DLG2: variants seen among roughly 807,000 people sequenced by gnomAD.
DLG2 encodes disks large homolog 2.
In DLG2, 45 loss-of-function variants were observed where a neutral mutation model predicts 132.5. The ratio of observed to expected loss-of-function variants is 0.34; its 90% CI spans 0.27 to 0.44. The LOEUF is 0.44. Among genes scored for constraint, DLG2 ranks in the 20% least tolerant of loss-of-function variants. The pLI, the probability that DLG2 is intolerant of heterozygous loss-of-function variation, is 1.00. For missense variants in DLG2, 1,045 were observed against 1,196.9 expected (o/e 0.87, Z 1.87); for synonymous variants, 424 against 419.6 (o/e 1.01, Z -0.13).
chr11:84,787,004 A>G (rs1277699942), intron 6 of DLG2, among the ~76,000 whole-genome samples: 1 of 152,130 alleles, frequency 6.6e-6, no homozygotes, highest in Non-Finnish European at 1.5e-5. Context: ...CTAGGAACCC[A>G]AACCAATCTA....
intron 7 of DLG2, among the ~76,000 whole-genome samples, chr11:84,481,609 T>C (rs2099137920): frequency 6.6e-6 from 1 of 152,206 alleles, no homozygotes; most frequent in South Asian, 2.1e-4. Flanking sequence ...AAGTGGCTTC[T>C]ACTAAAAAGC....
chr11:84,893,520 C>A (rs942286424), intron 6 of DLG2, among the ~76,000 whole-genome samples: 1 of 152,258 alleles, frequency 6.6e-6, no homozygotes, highest in Admixed American at 6.5e-5. Context: ...GCTCAGGTCC[C>A]TTCTTCCTAT....
At chr11:84,953,893 C>T (rs1056318095) in intron 6 of DLG2, among the ~76,000 whole-genome samples, 1 of 152,084 alleles carries the variant, frequency 6.6e-6, no homozygotes, top group Non-Finnish European at 1.5e-5. Flanking sequence ...GCTTCAAGTT[C>T]CTCAACTGTA....
At chr11:83,800,936 T>G (rs564798196) in intron 17 of DLG2, among the ~76,000 whole-genome samples, 77 of 152,314 alleles carry the variant, frequency 5.1e-4, no homozygotes, top group African/African-American at 1.8e-3. Flanking sequence ...AAGCTCTGAT[T>G]TTTACATTAA....
intron 3 of DLG2, among the ~76,000 whole-genome samples, chr11:85,412,163 C>G (rs2089369829): frequency 6.6e-6 from 1 of 151,834 alleles, no homozygotes; most frequent in South Asian, 2.1e-4. Flanking sequence ...AGCATATGGC[C>G]TAAGTCGGCT....
At chr11:83,519,563 T>G (rs2095410559) in intron 21 of DLG2, among the ~76,000 whole-genome samples, 1 of 152,224 alleles carries the variant, frequency 6.6e-6, no homozygotes, top group African/African-American at 2.4e-5. Context: ...GGACCCTATA[T>G]TCTTCACCTC....
chr11:84,696,320 T>C (rs900936656), intron 6 of DLG2, among the ~76,000 whole-genome samples: 1 of 151,534 alleles, frequency 6.6e-6, no homozygotes, highest in African/African-American at 2.4e-5. Flanking sequence ...ATACAACTCA[T>C]TAAATATGCC....
At position 84,204,827 on chromosome 11, in the gene DLG2, A is replaced by T. The variant is rs12294295; in HGVS notation, c.574-41316T>A. On this transcript the variant is annotated intron_variant, in intron 8 of 27. Transcript: ENST00000376104. Reference sequence around the variant, plus strand: ...AGCCATTCTCCTGCCTCAGCCTCCTAAGTAGCTGGGATTATAGGCTCCCGC... The same window carrying T: ...AGCCATTCTCCTGCCTCAGCCTCCTTAGTAGCTGGGATTATAGGCTCCCGC... Among the ~76,000 whole-genome samples, 224 of 152,026 alleles carry T rather than the reference A, an allele frequency of 1.5e-3. 1 individual carries two copies. Among genetic ancestry groups the T allele is most frequent in the African/African-American group, 5.3e-3 (218 of 41,446 alleles).
chr11:85,606,388 G>C (rs998287000), intron 2 of DLG2, among the ~76,000 whole-genome samples: 6 of 152,076 alleles, frequency 3.9e-5, no homozygotes, highest in Admixed American at 2.6e-4. Flanking sequence ...TCTGTGTCTA[G>C]CTAAAGGATT....
At chr11:85,481,893 C>T (rs187177144) in intron 3 of DLG2, among the ~76,000 whole-genome samples, 18 of 152,064 alleles carry the variant, frequency 1.2e-4, no homozygotes, top group South Asian at 2.1e-4. Context: ...GGCTGCTACC[C>T]GCAGACTGAG....
In DLG2 at chr11:85,049,898, G is replaced by A. The variant is rs141525050; in HGVS notation, c.357+61763C>T. On this transcript the variant is annotated intron_variant, in intron 6 of 27. Transcript: ENST00000376104. The stretch of plus-strand genomic sequence containing the variant: ...CATCAAAACAAAAAGTCATTAATTC[G>A]CTAATATCTAATATATTGCCAGATT... Among the ~76,000 whole-genome samples, 317 of 152,004 alleles carry A rather than the reference G, an allele frequency of 2.1e-3. 3 individuals carry two copies. The highest frequency in any genetic ancestry group is 0.01 in the Middle Eastern group (3 of 294).
chr11:84,794,378 A>C (rs2074272160), intron 6 of DLG2, among the ~76,000 whole-genome samples: 1 of 152,228 alleles, frequency 6.6e-6, no homozygotes, highest in Non-Finnish European at 1.5e-5. Context: ...GGGGAGGTAC[A>C]GCTGGGGCTG....
intron 3 of DLG2, among the ~76,000 whole-genome samples, chr11:85,385,226 C>T (rs926255776): frequency 1.3e-5 from 2 of 152,104 alleles, no homozygotes; most frequent in Non-Finnish European, 2.9e-5. Flanking sequence ...AATATTTTAG[C>T]AGCAGAGCCT....
intron 3 of DLG2, among the ~76,000 whole-genome samples, chr11:85,496,929 G>C (rs151030494): frequency 1.5e-4 from 23 of 152,140 alleles, no homozygotes; most frequent in South Asian, 6.2e-4. Context: ...AAAAGTCATT[G>C]ACTTTAAAGA....
At chr11:83,580,810 C>T (rs1273777359) in intron 19 of DLG2, among the ~76,000 whole-genome samples, 1 of 137,930 alleles carries the variant, frequency 7.3e-6, no homozygotes, top group East Asian at 2.2e-4. Flanking sequence ...CCTCCCCTGC[C>T]CCGCCAGGCT....
intron 20 of DLG2, among the ~76,000 whole-genome samples, chr11:83,538,530 T>C (rs902130163): frequency 7.2e-5 from 11 of 152,208 alleles, no homozygotes; most frequent in African/African-American, 2.4e-4. Flanking sequence ...CCTGGTGTAG[T>C]GTAAAGCCAC....
chr11:84,513,003 G>C (rs1005315421), intron 7 of DLG2, among the ~76,000 whole-genome samples: 1 of 152,006 alleles, frequency 6.6e-6, no homozygotes, highest in Non-Finnish European at 1.5e-5. Flanking sequence ...GGGGACTAGG[G>C]GAGGGAGAGG....
At chr11:83,483,227 T>C in intron 22 of DLG2, 1 of 1,604,202 alleles carries the variant, frequency 6.2e-7, no homozygotes, top group Non-Finnish European at 8.5e-7. Flanking sequence ...AAAGAAAAGT[T>C]ACAGTGACCA....
chr11:84,879,916 T>C (rs780849055), intron 6 of DLG2, among the ~76,000 whole-genome samples: 4 of 152,282 alleles, frequency 2.6e-5, no homozygotes, highest in Non-Finnish European at 5.9e-5. Flanking sequence ...CAGCCTAGCA[T>C]AATTTATACT....
Sources: gnomAD v4.1 joint callset for allele counts (sites outside exome capture counted in the v4.1 genomes callset) on GRCh38, gnomAD v4.1.1 for gene constraint, MANE v1.5 for transcripts, NCBI Gene and HGNC (gene_info 2026-07-23, HGNC 2026-07-21) for gene names.